BAZ2A: variants seen among roughly 807,000 people sequenced by gnomAD.
BAZ2A encodes the protein bromodomain adjacent to zinc finger domain protein 2A.
BAZ2A carries 34 observed loss-of-function variants against 199.9 expected under a neutral mutation model. That is an observed-to-expected ratio of 0.17 (90% CI 0.13 to 0.23). BAZ2A has a LOEUF of 0.23. BAZ2A is among the 10% of genes least tolerant of loss of function. The probability of loss-of-function intolerance (pLI) is 1.00; values close to 1 mark genes in which losing one functional copy is unlikely to be tolerated. For synonymous variants in BAZ2A, 857 were observed against 883.9 expected (o/e 0.97, Z 0.54); for missense variants, 2,002 against 2,391.1 (o/e 0.84, Z 3.39).
chr12:56,599,891 C>A, intron 25 of BAZ2A, 43 bp from the exon 26 acceptor site: 1 of 1,613,474 alleles, frequency 6.2e-7, no homozygotes, highest in East Asian at 2.2e-5. Flanking sequence ...TCTCCAGCCT[C>A]TACCTGCCAG....
rs1886291823 is a variant in BAZ2A, at chr12:56,600,100, G to C, written c.4893-4C>G. The C allele has an allele frequency of 6.2e-7, 1 of 1,613,958 alleles. No individual in the cohort carries two copies. The highest frequency in any genetic ancestry group is 2.2e-5 in the East Asian group (1 of 44,880). On this transcript the variant is annotated splice_region_variant and splice_polypyrimidine_tract_variant and intron_variant, in intron 24 of 28. Transcript: ENST00000549884. ...GCGAGGGGTGATCTCATATGATCTG[G>C]AGGGAGAAAGTGGTGATCTTTGGAG... is the stretch of plus-strand genomic sequence containing the variant.
exon 1 of BAZ2A, chr12:56,636,299 A>G: frequency 6.6e-7 from 1 of 1,521,904 alleles, no homozygotes; most frequent in Non-Finnish European, 8.9e-7. Context: ...GGGAACTAGC[A>G]AGAATCAAAA....
rs1376237409 is a variant in BAZ2A, at chr12:56,601,235, G to A, written c.4239C>T (p.Phe1413=). 16 of 1,613,938 alleles carry A rather than the reference G, an allele frequency of 9.9e-6. No homozygotes were observed. Among genetic ancestry groups the A allele is most frequent in the Non-Finnish European group, 1.4e-5 (16 of 1,179,916 alleles). Residue 1413 remains phenylalanine (F), a synonymous_variant, in exon 21 of 29, where the codon TTC becomes TTT. Coordinates refer to ENST00000549884, the MANE Select transcript of BAZ2A (RefSeq NM_001300905.2). ...TTAGGTAACGCTGTTCCATCTGTTTGAAGAACTTACTGGGAGGTCTCCCTC... is the reference window on the plus strand; with the variant it reads ...TTAGGTAACGCTGTTCCATCTGTTTAAAGAACTTACTGGGAGGTCTCCCTC... ...KRRGRPPSKF[F]KQMEQRYLTQ...
chr12:56,624,616 C>CA (rs67249064), intron 1 of BAZ2A, among the ~76,000 whole-genome samples: 5,351 of 59,432 alleles, frequency 0.09, 124 homozygotes, highest in Middle Eastern at 0.14. Context: ...TTTCAGAGAA[C>CA]AAAAAAAAAA....
intron 1 of BAZ2A, among the ~76,000 whole-genome samples, chr12:56,623,167 T>G (rs1592615512): frequency 6.8e-6 from 1 of 147,974 alleles, no homozygotes; most frequent in Non-Finnish European, 1.5e-5. Context: ...ACCCGGGAGG[T>G]GGAGGTTGCA....
intron 14 of BAZ2A, 47 bp downstream of exon 14, chr12:56,605,026 C>A: frequency 6.5e-7 from 1 of 1,530,450 alleles, no homozygotes; most frequent in Non-Finnish European, 8.8e-7. Context: ...TAAGTAGTTA[C>A]ATCTCCTTTA....
At position 56,612,263 on chromosome 12, in the gene BAZ2A, C is replaced by T; in HGVS notation, c.1136-17G>A. 6.3e-7 allele frequency: 1 copy of T among 1,583,814 alleles called. No individual in the cohort carries two copies. Among genetic ancestry groups the T allele is most frequent in the Non-Finnish European group, 8.6e-7 (1 of 1,158,648 alleles). ...AGCTGTTATCTAGAATCCAAAGGGACAGGATAGGCTTTAAAAAAAAAAAAG... is the reference window on the plus strand; with the variant it reads ...AGCTGTTATCTAGAATCCAAAGGGATAGGATAGGCTTTAAAAAAAAAAAAG... On this transcript the variant is annotated splice_polypyrimidine_tract_variant and intron_variant, in intron 5 of 28. Coordinates refer to ENST00000549884, the MANE Select transcript of BAZ2A (RefSeq NM_001300905.2).
intron 1 of BAZ2A, among the ~76,000 whole-genome samples, chr12:56,618,127 G>A (rs74095026): frequency 0.057 from 8,646 of 152,162 alleles, 572 homozygotes; most frequent in African/African-American, 0.16. Context: ...TGATCATAAT[G>A]GCAAACCTCG....
chr12:56,601,053 T>C lies in BAZ2A; in HGVS notation c.4340A>G (p.Asp1447Gly), dbSNP rs1326524646. Residue 1447 changes from aspartate to glycine, a missense_variant, in exon 22 of 29, where the codon GAT becomes GGT. Around this residue, in one of 6 missense-constraint regions of BAZ2A, gnomAD observed 1,081 missense variants for 1,274.7 expected, o/e 0.85. Coordinates refer to ENST00000549884, the MANE Select transcript of BAZ2A (RefSeq NM_001300905.2). The stretch of plus-strand genomic sequence containing the variant: ...GGGGTGTAGGGCCTTGAGCATGGCA[T>C]CCAACATCTCAGGATCTCGTATCCA... ...WWWIRDPEML[D>G]AMLKALHPRG... 2.5e-5 allele frequency: 41 copies of C among 1,611,512 alleles called. No individual in the cohort carries two copies. Among genetic ancestry groups the C allele is most frequent in the Non-Finnish European group, 3.5e-5 (41 of 1,178,758 alleles).
rs1951271347 is a variant in BAZ2A, at chr12:56,630,326, T to C, written c.-204A>G. ...GCCAACATGGCCGGCGGGGGAGGAG[T>C]GAGTCGGAGCCGGAGGGGGCGGAGA... On this transcript the variant is annotated 5_prime_UTR_variant, in exon 1 of 29. Transcript: ENST00000549884. 1.0e-6 allele frequency: 1 copy of C among 978,598 alleles called. No homozygotes were observed. Among genetic ancestry groups the C allele is most frequent in the Non-Finnish European group, 1.2e-6 (1 of 824,566 alleles). 60.6% of individuals were successfully genotyped at this position (978,598 alleles called of 1,614,324 possible).
At chr12:56,630,044 G>C (rs952762421) in intron 1 of BAZ2A, 81 bp downstream of exon 1, 1 of 905,432 alleles carries the variant, frequency 1.1e-6, no homozygotes. Context: ...GCCGGCTCTG[G>C]AGCTTCTGTT....
At chr12:56,620,718 C>T (rs1235863839) in intron 1 of BAZ2A, among the ~76,000 whole-genome samples, 1 of 152,046 alleles carries the variant, frequency 6.6e-6, no homozygotes, top group Non-Finnish European at 1.5e-5. Flanking sequence ...CGCCAACACG[C>T]CCAGATAATT....
upstream of BAZ2A, chr12:56,634,994 G>T (rs1565844116): frequency 1.0e-6 from 1 of 984,586 alleles, no homozygotes; most frequent in Non-Finnish European, 1.2e-6. Flanking sequence ...AGAGGCGCAG[G>T]TGGCCGAGCC....
rs1184709998 is a variant in BAZ2A, at chr12:56,595,753, A to G, written c.*2865T>C. 1.3e-5 allele frequency: 2 copies of G among 152,306 alleles called. No individual in the cohort carries two copies. Among genetic ancestry groups the G allele is most frequent in the African/African-American group, 4.8e-5 (2 of 41,324 alleles). 9.4% of individuals were successfully genotyped at this position (152,306 alleles called of 1,614,324 possible). A position where few individuals can be genotyped will look rare whatever the true frequency, so the allele number is the denominator to read the frequency against. On this transcript the variant is annotated 3_prime_UTR_variant, in exon 29 of 29. Coordinates refer to ENST00000549884, the MANE Select transcript of BAZ2A (RefSeq NM_001300905.2). ...CACTGAATCCCCCTTTGCTCCAGCAACTCAGCCAGACATTTAGGCAGGAGC... is the reference window on the plus strand; with the variant it reads ...CACTGAATCCCCCTTTGCTCCAGCAGCTCAGCCAGACATTTAGGCAGGAGC...
Position 56,606,115 on chromosome 12 carries a change from C to T in BAZ2A, c.2260-52G>A, listed in dbSNP as rs1592571566. On this transcript the variant is annotated intron_variant, in intron 12 of 28. Transcript: ENST00000549884. The stretch of plus-strand genomic sequence containing the variant: ...CTGCCATAAAGATATCAGTCACTAT[C>T]CTTCCCTGGTCCCAGTCCTCCCAAC... 3.2e-6 allele frequency: 5 copies of T among 1,552,014 alleles called. No homozygotes were observed. The East Asian group carries it at 7.2e-5, about 22-fold the overall frequency.
Position 56,598,655 on chromosome 12 carries a change from C to T in BAZ2A, c.5675G>A (p.Trp1892Ter). ...CTGTTTTCCCTGATAAAACTCCTCC[C>T]AGCGGCTCTCGAAGAAGCGGCGCAT... The part of the protein sequence containing the change: ...HIMRRFFESR[W>*]EEFYQGKQAN... The change falls in exon 29 of 29, where the codon TGG (tryptophan) becomes TAG (stop). Residue 1892 changes from tryptophan to a stop codon, truncating the protein, a stop_gained. Coordinates refer to ENST00000549884, the MANE Select transcript of BAZ2A (RefSeq NM_001300905.2). LOFTEE classifies it high-confidence loss of function. The T allele has an allele frequency of 6.2e-7, 1 of 1,613,850 alleles. No homozygotes were observed. Among genetic ancestry groups the T allele is most frequent in the Non-Finnish European group, 8.5e-7 (1 of 1,179,838 alleles).
chr12:56,600,625 C>A, intron 23 of BAZ2A, 56 bp downstream of exon 23: 3 of 1,592,526 alleles, frequency 1.9e-6, no homozygotes, highest in Non-Finnish European at 2.6e-6. Flanking sequence ...TCTAACAGGG[C>A]ATAAGGGACT....
intron 13 of BAZ2A, chr12:56,605,536 C>A: frequency 1.6e-6 from 1 of 626,652 alleles, no homozygotes. Context: ...ATTCTCCCAC[C>A]TCAGTCTCTC....
At chr12:56,613,679 T>G (rs1950630889) in intron 4 of BAZ2A, among the ~76,000 whole-genome samples, 1 of 152,170 alleles carries the variant, frequency 6.6e-6, no homozygotes, top group African/African-American at 2.4e-5. Context: ...AAAGATCAAC[T>G]GTGTGATAAT....
Sources: gnomAD v4.1 joint callset for allele counts (sites outside exome capture counted in the v4.1 genomes callset) on GRCh38, gnomAD v4.1.1 for gene constraint, gnomAD v4.1.1 regional missense constraint, MANE v1.5 for transcripts, NCBI Gene and HGNC (gene_info 2026-07-23, HGNC 2026-07-21) for gene names.